LRRIQ1: variants seen among roughly 807,000 people sequenced by gnomAD.
The protein encoded by LRRIQ1 is leucine-rich repeat- and IQ domain-containing protein 1.
A neutral mutation model predicts 211.9 loss-of-function variants in LRRIQ1; 210 were observed. That is an observed-to-expected ratio of 0.99 (90% confidence interval 0.89 to 1.11). The LOEUF is 1.11. LRRIQ1 is among the 50% of genes most tolerant of loss of function. The pLI, the probability that LRRIQ1 is intolerant of heterozygous loss-of-function variation, is 0.00. For synonymous variants in LRRIQ1, 699 were observed against 650.1 expected (o/e 1.08, Z -1.14); for missense variants, 2,136 against 1,939.5 (o/e 1.10, Z -1.90).
chr12:85,095,544 T>C (rs914993747), intron 11 of LRRIQ1, among the ~76,000 whole-genome samples: 1 of 152,162 alleles, frequency 6.6e-6, no homozygotes, highest in African/African-American at 2.4e-5. Context: ...TTTTTGCATC[T>C]AGGTTCATCA....
At chr12:85,137,733 T>G (rs1889233128) in intron 18 of LRRIQ1, 117 bp from the exon 19 acceptor site, 1 of 804,052 alleles carries the variant, frequency 1.2e-6, no homozygotes, top group Non-Finnish European at 1.8e-6. Flanking sequence ...GAAAACAGAT[T>G]ATTGTGTCAT....
At chr12:85,092,326 A>G in intron 11 of LRRIQ1, among the ~76,000 whole-genome samples, 1 of 152,032 alleles carries the variant, frequency 6.6e-6, no homozygotes, top group East Asian at 1.9e-4. Flanking sequence ...CACTTATTTT[A>G]GTCTGTGTGT....
intron 21 of LRRIQ1, 44 bp from the exon 22 acceptor site, chr12:85,153,616 ATAT>A (rs1355109702): frequency 1.7e-6 from 2 of 1,194,158 alleles, no homozygotes; most frequent in South Asian, 1.4e-5. Flanking sequence ...AAAAGTGCTG[ATAT>A]ACTTGTGTTG....
intron 23 of LRRIQ1, among the ~76,000 whole-genome samples, chr12:85,157,342 A>C (rs1453320773): frequency 2.6e-5 from 4 of 151,878 alleles, no homozygotes; most frequent in Non-Finnish European, 4.4e-5. Context: ...GTAAAATCTA[A>C]AATTGTGAGG....
intron 19 of LRRIQ1, among the ~76,000 whole-genome samples, chr12:85,139,996 A>C (rs1225309669): frequency 7.1e-6 from 1 of 141,750 alleles, no homozygotes; most frequent in African/African-American, 2.4e-5. Context: ...ATTTATTCTC[A>C]GGAAAAAAAA....
At chr12:85,251,561 T>C (rs1170284134) in intron 1 of LRRIQ1, among the ~76,000 whole-genome samples, 3 of 151,920 alleles carry the variant, frequency 2.0e-5, no homozygotes, top group African/African-American at 7.2e-5. Context: ...GGTTAAATCA[T>C]TTGCAACTCT....
chr12:85,250,874 T>TTATATATAATATATTTTATATATTA (rs1555230683), intron 1 of LRRIQ1, among the ~76,000 whole-genome samples: 1 of 54,972 alleles, frequency 1.8e-5, no homozygotes, highest in Admixed American at 2.4e-4. Context: ...AGATTATATA[T>TTATATATAATATATTTTATATATTA]TATATTATAT....
At chr12:85,217,795 A>G (rs768347909) in intron 24 of LRRIQ1, among the ~76,000 whole-genome samples, 1 of 141,550 alleles carries the variant, frequency 7.1e-6, no homozygotes, top group Non-Finnish European at 1.5e-5. Flanking sequence ...TATATATGTA[A>G]TGTGTTCATA....
At chr12:85,114,010 A>T (rs2136370512) in intron 15 of LRRIQ1, among the ~76,000 whole-genome samples, 1 of 150,870 alleles carries the variant, frequency 6.6e-6, no homozygotes, top group South Asian at 2.1e-4. Flanking sequence ...CCTCATCTGG[A>T]ATAGAAGCAA....
intron 10 of LRRIQ1, among the ~76,000 whole-genome samples, chr12:85,070,430 A>G (rs1882962899): frequency 1.3e-5 from 2 of 152,010 alleles, no homozygotes; most frequent in Non-Finnish European, 2.9e-5. Flanking sequence ...TTAAGCTGGA[A>G]TTCTTTAATC....
At chr12:85,185,104 G>T (rs542887670) in intron 24 of LRRIQ1, among the ~76,000 whole-genome samples, 1 of 151,858 alleles carries the variant, frequency 6.6e-6, no homozygotes, top group African/African-American at 2.4e-5. Context: ...GTGAGAAAGC[G>T]TTATCTCAGA....
intron 10 of LRRIQ1, among the ~76,000 whole-genome samples, chr12:85,070,776 C>G (rs1565806871): frequency 6.6e-6 from 1 of 151,800 alleles, no homozygotes; most frequent in Non-Finnish European, 1.5e-5. Flanking sequence ...ATTTTTTCTT[C>G]CACTATATTC....
chr12:85,101,354 A>T (rs865960513), intron 13 of LRRIQ1, among the ~76,000 whole-genome samples: 21 of 151,926 alleles, frequency 1.4e-4, no homozygotes, highest in Middle Eastern at 3.4e-3. Context: ...AGTTTGACTT[A>T]GTGGAGTTCT....
chr12:85,142,634 C>T (rs1889621638), intron 19 of LRRIQ1, among the ~76,000 whole-genome samples: 1 of 151,412 alleles, frequency 6.6e-6, no homozygotes, highest in Non-Finnish European at 1.5e-5. Context: ...CCCCACTGAC[C>T]ACCTTAAACC....
intron 24 of LRRIQ1, among the ~76,000 whole-genome samples, chr12:85,190,439 A>T (rs932371083): frequency 8.1e-5 from 12 of 147,538 alleles, no homozygotes; most frequent in African/African-American, 2.5e-4. Context: ...TATATCAAAT[A>T]GTTTAATATT....
chr12:85,067,814 A>G (rs1234841703), intron 10 of LRRIQ1, among the ~76,000 whole-genome samples: 2 of 151,926 alleles, frequency 1.3e-5, no homozygotes, highest in Non-Finnish European at 2.9e-5. Context: ...AACAAAAGAG[A>G]AAATGAAAAA....
At position 85,057,156 on chromosome 12, in the gene LRRIQ1, G is replaced by A. The variant is rs150404814; in HGVS notation, c.2363G>A (p.Arg788Gln). Residue 788 changes from arginine (R) to glutamine (Q), a missense_variant, in exon 8 of 27, where the codon CGA becomes CAA. Physicochemically the swap from Arg to Gln is conservative, Grantham distance 43. Coordinates refer to ENST00000393217, the MANE Select transcript of LRRIQ1 (RefSeq NM_001079910.2). Reference protein sequence around the residue: ...TPALDKLEILRCGPWDTLQQV... With the variant: ...TPALDKLEILQCGPWDTLQQV... Reference sequence around the variant, plus strand: ...GCTTTGGATAAACTGGAAATTCTTCGATGTGGCCCTTGGGATACTTTACAG... The same window carrying A: ...GCTTTGGATAAACTGGAAATTCTTCAATGTGGCCCTTGGGATACTTTACAG... The A allele has an allele frequency of 1.4e-5, 21 of 1,554,660 alleles. No homozygotes were observed. Among genetic ancestry groups the A allele is most frequent in the Non-Finnish European group, 1.7e-5 (20 of 1,156,592 alleles).
At chr12:85,257,560 C>T (rs1296449529) in intron 1 of LRRIQ1, among the ~76,000 whole-genome samples, 1 of 151,400 alleles carries the variant, frequency 6.6e-6, no homozygotes, top group Non-Finnish European at 1.5e-5. Flanking sequence ...TTTTGATTAT[C>T]CAGTCAATTT....
In LRRIQ1 at chr12:85,056,266, A is replaced by G; in HGVS notation, c.1473A>G (p.Arg491=). The G allele has an allele frequency of 6.3e-7, 1 of 1,574,920 alleles. No individual in the cohort carries two copies. The highest frequency in any genetic ancestry group is 8.5e-7 in the Non-Finnish European group (1 of 1,169,934). The stretch of plus-strand genomic sequence containing the variant: ...AAAATGAAAACCTAGCAAAAAAACG[A>G]TGTTCAGAAGAATTGGTCAAGCAAG... The part of the protein sequence containing the change: ...EEKNENLAKK[R]CSEELVKQER... Residue 491 remains arginine, a synonymous_variant, in exon 8 of 27, where the codon CGA becomes CGG. Coordinates refer to ENST00000393217, the MANE Select transcript of LRRIQ1 (RefSeq NM_001079910.2).
Sources: allele counts gnomAD v4.1 joint callset (sites outside exome capture counted in the v4.1 genomes callset), GRCh38; gene constraint gnomAD v4.1.1; transcripts MANE v1.5; gene names NCBI Gene and HGNC (gene_info 2026-07-23, HGNC 2026-07-21).